Variants in BCL2L14 observed in about 807,000 individuals in gnomAD.
BCL2L14 encodes apoptosis facilitator Bcl-2-like protein 14.
A neutral mutation model predicts 35.3 loss-of-function variants in BCL2L14; 27 were observed. The ratio of observed to expected loss-of-function variants is 0.76; its 90% CI spans 0.56 to 1.05. BCL2L14 has a LOEUF of 1.05. BCL2L14 is among the 50% of genes least tolerant of loss of function. BCL2L14 has a pLI of 0.00. For synonymous variants in BCL2L14, 139 were observed against 145.9 expected, an observed-to-expected ratio of 0.95 and a Z score of 0.34; for missense variants, 377 against 382.6, an observed-to-expected ratio of 0.99 and a Z score of 0.12.
At chr12:12,068,554 C>T (rs143738842), upstream of BCL2L14, among the ~76,000 whole-genome samples, 181 of 152,164 alleles carry the variant, frequency 1.2e-3, no homozygotes, top group African/African-American at 4.3e-3. Context: ...AGGCATGTGC[C>T]ACCATGCTAT....
upstream of BCL2L14, among the ~76,000 whole-genome samples, chr12:12,070,743 G>C (rs1591813356): frequency 1.3e-5 from 2 of 152,098 alleles, 1 homozygote; most frequent in South Asian, 4.2e-4. Context: ...GTAAACATTT[G>C]TTTAACTAAC....
chr12:12,073,604 A>G (rs940649149), intron 1 of BCL2L14, among the ~76,000 whole-genome samples: 9 of 151,454 alleles, frequency 5.9e-5, no homozygotes, highest in African/African-American at 1.2e-4. Context: ...ATGCACGCGC[A>G]CACACACACA....
intron 1 of BCL2L14, among the ~76,000 whole-genome samples, chr12:12,072,818 A>G (rs1319707352): frequency 6.6e-6 from 1 of 152,164 alleles, no homozygotes; most frequent in Non-Finnish European, 1.5e-5. Context: ...ACACTGAACA[A>G]TCAAGTAATT....
intron 2 of BCL2L14, among the ~76,000 whole-genome samples, chr12:12,084,228 G>A (rs1401316732): frequency 6.6e-6 from 1 of 152,064 alleles, no homozygotes; most frequent in Non-Finnish European, 1.5e-5. Context: ...CAAAATGCTG[G>A]GATTACGGGC....
rs538021452 is a variant in BCL2L14, at chr12:12,098,275, C to A, written c.946-675C>A. On this transcript the variant is annotated intron_variant, in intron 5 of 5. Transcript: ENST00000308721. ...GGGAGGAGAGAAATCTAGTCCCATG[C>A]ACAAGCTTTCCAGAAGCTCAGGGTT... 6.0e-4 allele frequency among the ~76,000 whole-genome samples: 91 copies of A among 152,288 alleles called. 1 individual carries two copies. The highest frequency in any genetic ancestry group is 2.2e-3 in the African/African-American group (91 of 41,554).
chr12:12,059,471 C>T (rs149658331), intron 2 of BCL2L14, among the ~76,000 whole-genome samples: 2 of 152,094 alleles, frequency 1.3e-5, no homozygotes, highest in African/African-American at 4.8e-5. Context: ...ATTTCTGCAC[C>T]CCAACCTCAT....
intron 1 of BCL2L14, among the ~76,000 whole-genome samples, chr12:12,076,286 G>C (rs1948779951): frequency 6.6e-6 from 1 of 152,090 alleles, no homozygotes; most frequent in Admixed American, 6.5e-5. Flanking sequence ...TAAGGAACAT[G>C]ACCTTCGAGG....
At chr12:12,082,932 G>A (rs7960806) in intron 2 of BCL2L14, among the ~76,000 whole-genome samples, 55,460 of 151,646 alleles carry the variant, frequency 0.37, 10,414 homozygotes, top group East Asian at 0.51. Context: ...ATCAGGCCTT[G>A]CAAATTTGGT....
chr12:12,056,113 C>T (rs1948429106), intron 2 of BCL2L14, among the ~76,000 whole-genome samples: 1 of 152,180 alleles, frequency 6.6e-6, no homozygotes, highest in Non-Finnish European at 1.5e-5. Flanking sequence ...CACCCACTGA[C>T]CCCACCTTAT....
At chr12:12,075,820 T>C (rs1359851859) in intron 1 of BCL2L14, among the ~76,000 whole-genome samples, 1 of 152,112 alleles carries the variant, frequency 6.6e-6, no homozygotes, top group Non-Finnish European at 1.5e-5. Flanking sequence ...GCCATTTGTC[T>C]TGCAGAACTT....
At chr12:12,063,100 T>A (rs979857331) in intron 2 of BCL2L14, among the ~76,000 whole-genome samples, 13 of 152,024 alleles carry the variant, frequency 8.6e-5, no homozygotes, top group African/African-American at 3.1e-4. Flanking sequence ...ACTTAGACTG[T>A]GCCCCAAAAA....
chr12:12,064,090 T>A (rs1174765293), intron 2 of BCL2L14, among the ~76,000 whole-genome samples: 2 of 152,244 alleles, frequency 1.3e-5, no homozygotes, highest in East Asian at 3.9e-4. Flanking sequence ...CCTCAAGTAA[T>A]CCACCTGCCT....
intron 1 of BCL2L14, among the ~76,000 whole-genome samples, chr12:12,051,384 A>C (rs942177264): frequency 2.0e-5 from 3 of 152,140 alleles, no homozygotes; most frequent in Non-Finnish European, 4.4e-5. Context: ...GTGATGTTGA[A>C]ACTCAGCTAA....
chr12:12,084,954 C>T (rs1178187344), intron 2 of BCL2L14, among the ~76,000 whole-genome samples: 7 of 151,242 alleles, frequency 4.6e-5, no homozygotes, highest in South Asian at 2.1e-4. Context: ...GGAGCCACTA[C>T]GTCCTGTAAT....
intron 1 of BCL2L14, among the ~76,000 whole-genome samples, chr12:12,076,302 C>T (rs73289705): frequency 0.021 from 3,114 of 150,818 alleles, 150 homozygotes; most frequent in African/African-American, 0.074. Context: ...CGAGGAGACA[C>T]TGACGTGACT....
intron 3 of BCL2L14, 73 bp downstream of exon 3, chr12:12,087,459 A>G: frequency 6.6e-7 from 1 of 1,514,476 alleles, no homozygotes; most frequent in Non-Finnish European, 9.0e-7. Context: ...TATCCATCCC[A>G]GGGCTCGGCA....
intron 2 of BCL2L14, among the ~76,000 whole-genome samples, chr12:12,057,102 C>A (rs1948444365): frequency 6.6e-6 from 1 of 152,196 alleles, no homozygotes; most frequent in African/African-American, 2.4e-5. Flanking sequence ...AAAACTCCAA[C>A]TACCACACAT....
chr12:12,079,598 G>T lies in BCL2L14; in HGVS notation c.293G>T (p.Gly98Val), dbSNP rs1948865400. The T allele has an allele frequency of 6.2e-7, 1 of 1,614,208 alleles. No individual in the cohort carries two copies. The highest frequency in any genetic ancestry group is 1.1e-5 in the South Asian group (1 of 91,082). The change falls in exon 2 of 6, where the codon GGA (glycine) becomes GTA (valine). Residue 98 changes from glycine (G) to valine (V), a missense_variant. Gly to Val is a moderately radical substitution (Grantham distance 109). Transcript: ENST00000308721. ...KKKSSWKAFF[G>V]VVEKEDSQST... ...AAGTCTTCTTGGAAAGCATTCTTTG[G>T]AGTAGTGGAGAAGGAAGATTCGCAG... is the stretch of plus-strand genomic sequence containing the variant.
Position 12,060,267 on chromosome 12 carries a change from C to T in BCL2L14, c.-272+8420C>T, listed in dbSNP as rs185965450. Among the ~76,000 whole-genome samples the T allele has an allele frequency of 7.8e-4, 117 of 150,918 alleles. 2 individuals are homozygous for T. Among genetic ancestry groups the T allele is most frequent in the South Asian group, 7.3e-3 (34 of 4,688 alleles). ...TGGAGCTAAATTAAAGTTAATGCTCCTTTTTCTTTATCCCAAATCAGATAG... is the reference window on the plus strand; with the variant it reads ...TGGAGCTAAATTAAAGTTAATGCTCTTTTTTCTTTATCCCAAATCAGATAG... On this transcript the variant is annotated intron_variant, in intron 2 of 3. Coordinates refer to the BCL2L14 transcript ENST00000461264.
Sources: gnomAD v4.1 joint callset for allele counts (sites outside exome capture counted in the v4.1 genomes callset) on GRCh38, gnomAD v4.1.1 for gene constraint, MANE v1.5 for transcripts, NCBI Gene and HGNC (gene_info 2026-07-23, HGNC 2026-07-21) for gene names.